The following MEGF11 variants were observed in gnomAD, a reference collection of about 807,000 sequenced individuals.
MEGF11 encodes multiple EGF like domains 11.
Under a neutral mutation model 146.6 loss-of-function variants are expected in MEGF11, and 126 were observed. The observed-to-expected ratio is 0.86, with a 90% confidence interval of 0.74 to 1.00. The LOEUF is 1.00. Ranked by LOEUF, MEGF11 falls within the 50% of genes least tolerant of loss-of-function variation. MEGF11 has a pLI of 0.00. For missense variants in MEGF11, 1,509 were observed against 1,521.2 expected (o/e 0.99, Z 0.13); for synonymous variants, 532 against 583.4 (o/e 0.91, Z 1.27).
Position 65,913,650 on chromosome 15 carries a change from A to C in MEGF11, c.2710+87T>G, listed in dbSNP as rs1596826568. On this transcript the variant is annotated intron_variant, in intron 20 of 25. Coordinates refer to ENST00000395614, the MANE Select transcript of MEGF11 (RefSeq NM_001385028.1). Reference sequence around the variant, plus strand: ...GGAGACTGAGCTTCCACATTCAGCCACAGCAGCCAACCCTACAGGCACAAC... The same window carrying C: ...GGAGACTGAGCTTCCACATTCAGCCCCAGCAGCCAACCCTACAGGCACAAC... 5 of 1,221,164 alleles carry C rather than the reference A, an allele frequency of 4.1e-6. No homozygotes were observed. In the East Asian group the frequency reaches 1.3e-4, roughly 31 times the overall value. 75.6% of individuals were successfully genotyped at this position (1,221,164 alleles called of 1,614,324 possible). A position where few individuals can be genotyped will look rare whatever the true frequency, so the allele number is the denominator to read the frequency against.
chr15:66,182,453 A>G (rs2141156254), intron 1 of MEGF11, among the ~76,000 whole-genome samples: 1 of 152,230 alleles, frequency 6.6e-6, no homozygotes, highest in East Asian at 1.9e-4. Context: ...TCTATAAATG[A>G]TCACACAGGA....
At chr15:65,971,716 C>T (rs2081303592) in intron 7 of MEGF11, among the ~76,000 whole-genome samples, 1 of 152,170 alleles carries the variant, frequency 6.6e-6, no homozygotes, top group African/African-American at 2.4e-5. Context: ...CATCTCCCTC[C>T]ACCCCCAGGT....
intron 5 of MEGF11, among the ~76,000 whole-genome samples, chr15:66,073,150 C>T (rs2085437217): frequency 6.6e-6 from 1 of 152,230 alleles, no homozygotes; most frequent in African/African-American, 2.4e-5. Context: ...GCACCCCCAC[C>T]TCCGCCTCGC....
At chr15:66,047,472 A>C (rs1286611918) in intron 5 of MEGF11, among the ~76,000 whole-genome samples, 1 of 152,236 alleles carries the variant, frequency 6.6e-6, no homozygotes, top group African/African-American at 2.4e-5. Context: ...ATTAAGGATC[A>C]AATGAAATAT....
At chr15:65,955,127 C>T (rs1180915978) in intron 10 of MEGF11, among the ~76,000 whole-genome samples, 1 of 152,196 alleles carries the variant, frequency 6.6e-6, no homozygotes, top group Non-Finnish European at 1.5e-5. Flanking sequence ...TGCTAGAAGC[C>T]AAGCTGGGAC....
chr15:66,252,183 G>C (rs1211528527), intron 1 of MEGF11, among the ~76,000 whole-genome samples: 1 of 152,068 alleles, frequency 6.6e-6, no homozygotes, highest in African/African-American at 2.4e-5. Flanking sequence ...CCCCCGGCAG[G>C]CTCCGATTGC....
chr15:66,038,925 G>A (rs2083835599), intron 5 of MEGF11, among the ~76,000 whole-genome samples: 1 of 152,166 alleles, frequency 6.6e-6, no homozygotes, highest in Non-Finnish European at 1.5e-5. Context: ...GGCACCTGTA[G>A]GGCTTAACAG....
At chr15:66,141,095 A>T (rs1386281834) in intron 1 of MEGF11, among the ~76,000 whole-genome samples, 1 of 151,978 alleles carries the variant, frequency 6.6e-6, no homozygotes, top group Admixed American at 6.5e-5. Flanking sequence ...CCTTCCAGTA[A>T]CTCCATCAAG....
At chr15:66,216,033 C>A (rs761136748) in intron 1 of MEGF11, among the ~76,000 whole-genome samples, 1 of 152,074 alleles carries the variant, frequency 6.6e-6, no homozygotes, top group African/African-American at 2.4e-5. Context: ...CAACTGCCTG[C>A]GAGGTGATTA....
chr15:65,922,283 T>G, intron 15 of MEGF11, 55 bp downstream of exon 15: 3 of 1,580,270 alleles, frequency 1.9e-6, no homozygotes, highest in Non-Finnish European at 2.6e-6. Context: ...CCCTGCCACT[T>G]TCCTCCCAGA....
chr15:65,967,299 C>T (rs1231759320), intron 8 of MEGF11, among the ~76,000 whole-genome samples: 1 of 152,128 alleles, frequency 6.6e-6, no homozygotes, highest in Non-Finnish European at 1.5e-5. Context: ...GCCTTAAATT[C>T]AGGCATGAAA....
At chr15:66,070,463 G>A (rs1176534582) in intron 5 of MEGF11, among the ~76,000 whole-genome samples, 1 of 152,242 alleles carries the variant, frequency 6.6e-6, no homozygotes, top group Non-Finnish European at 1.5e-5. Flanking sequence ...AAAGGATTAA[G>A]CATTAAGCCT....
At chr15:66,074,936 C>T (rs1009311852) in intron 5 of MEGF11, among the ~76,000 whole-genome samples, 1 of 152,098 alleles carries the variant, frequency 6.6e-6, no homozygotes, top group African/African-American at 2.4e-5. Flanking sequence ...ACTTATTACC[C>T]GTCAAAATAT....
At position 66,082,507 on chromosome 15, in the gene MEGF11, ATCT is replaced by A. The variant is rs1567232410; in HGVS notation, c.394+11892_394+11894del. Among the ~76,000 whole-genome samples the A allele has an allele frequency of 3.9e-4, 55 of 139,514 alleles. No individual in the cohort carries two copies. The East Asian group carries it at 4.8e-3, about 12-fold the overall frequency. The allele number at this position is 139,514 out of a possible 152,430, so 91.5% of individuals were successfully genotyped here. A position where few individuals can be genotyped will look rare whatever the true frequency, so the allele number is the denominator to read the frequency against. Reference sequence around the variant, plus strand: ...TATCTATCTATCTATCTATCTATCTATCTATCTATAAATAAATTAGCCAGGTGT... The same window carrying A: ...TATCTATCTATCTATCTATCTATCTAATCTATAAATAAATTAGCCAGGTGT... On this transcript the variant is annotated intron_variant, in intron 5 of 25. Transcript: ENST00000395614.
At chr15:65,980,395 C>CAT (rs1251874696) in intron 7 of MEGF11, among the ~76,000 whole-genome samples, 4 of 88,184 alleles carry the variant, frequency 4.5e-5, no homozygotes, top group Admixed American at 1.6e-4. Context: ...AAGAATTCAG[C>CAT]TTTTTTTTTT....
chr15:66,102,846 G>A (rs890345688), intron 4 of MEGF11, among the ~76,000 whole-genome samples: 7 of 152,258 alleles, frequency 4.6e-5, no homozygotes, highest in African/African-American at 1.4e-4. Context: ...GTTTCCTTTG[G>A]CCCTTGGCCT....
chr15:65,970,519 G>T (rs1013507308), intron 8 of MEGF11, 34 bp downstream of exon 8: 46 of 1,602,036 alleles, frequency 2.9e-5, no homozygotes, highest in Non-Finnish European at 3.9e-5. Context: ...TGAGTAAAAT[G>T]GACAGCAAAG....
chr15:65,898,339 G>A (rs2141124217), intron 25 of MEGF11: 1 of 985,442 alleles, frequency 1.0e-6, no homozygotes, highest in East Asian at 1.1e-4. Flanking sequence ...AGTCTTACCA[G>A]TGAGCCCAGG....
chr15:66,011,077 C>T (rs1486991924), intron 5 of MEGF11, among the ~76,000 whole-genome samples: 2 of 152,124 alleles, frequency 1.3e-5, no homozygotes, highest in Non-Finnish European at 2.9e-5. Flanking sequence ...AGGTGGTGAC[C>T]ATCCCAGAGC....
Sources: gnomAD v4.1 joint callset for allele counts (sites outside exome capture counted in the v4.1 genomes callset) on GRCh38, gnomAD v4.1.1 for gene constraint, MANE v1.5 for transcripts, NCBI Gene and HGNC (gene_info 2026-07-23, HGNC 2026-07-21) for gene names.